The following SLC30A7 variants were observed in gnomAD, a reference collection of about 807,000 sequenced individuals.
SLC30A7 encodes the protein solute carrier family 30 member 7.
SLC30A7 carries 35 observed loss-of-function variants against 46.0 expected under a neutral mutation model. That is an observed-to-expected ratio of 0.76 (90% CI 0.58 to 1.01). The LOEUF (loss-of-function observed/expected upper bound fraction) is 1.01. Among genes scored for constraint, SLC30A7 ranks in the 50% least tolerant of loss-of-function variants. The pLI is 0.00. For missense variants in SLC30A7, 464 were observed against 451.1 expected, an observed-to-expected ratio of 1.03 and a Z score of -0.26; for synonymous variants, 147 against 157.8, an observed-to-expected ratio of 0.93 and a Z score of 0.51.
chr1:100,963,542 A>T (rs1349827857), intron 9 of SLC30A7, among the ~76,000 whole-genome samples: 1 of 152,170 alleles, frequency 6.6e-6, no homozygotes, highest in Non-Finnish European at 1.5e-5. Flanking sequence ...AAGTGTTGTT[A>T]AAGGGGGCAG....
intron 8 of SLC30A7, among the ~76,000 whole-genome samples, chr1:100,961,023 C>T (rs1385120998): frequency 1.4e-4 from 21 of 145,198 alleles, no homozygotes; most frequent in African/African-American, 4.9e-4. Context: ...GGTGCGATCT[C>T]GGCTCACTGC....
At chr1:100,972,242 CAT>C (rs1209426461) in intron 10 of SLC30A7, 3 of 309,972 alleles carry the variant, frequency 9.7e-6, no homozygotes, top group Non-Finnish European at 2.0e-5. Flanking sequence ...GGTGACTTAC[CAT>C]AGGATTCTTC....
At chr1:100,938,598 T>C (rs192406106) in intron 8 of SLC30A7, among the ~76,000 whole-genome samples, 1 of 152,334 alleles carries the variant, frequency 6.6e-6, no homozygotes. Flanking sequence ...TCTCCTCTGT[T>C]CAGGGTCTCA....
At chr1:100,909,605 A>G (rs1315159921) in intron 3 of SLC30A7, among the ~76,000 whole-genome samples, 1 of 152,118 alleles carries the variant, frequency 6.6e-6, no homozygotes, top group Non-Finnish European at 1.5e-5. Flanking sequence ...TGTAAAGGCA[A>G]ATGTGTTTAG....
At position 100,975,323 on chromosome 1, in the gene SLC30A7, T is replaced by G. The variant is rs527756313; in HGVS notation, c.*466T>G. On this transcript the variant is annotated 3_prime_UTR_variant, in exon 11 of 11. Coordinates refer to ENST00000357650, the MANE Select transcript of SLC30A7 (RefSeq NM_133496.5). ...CCACAAAACCAGTATTACTTTTTTT[T>G]AAAAAAAGAAAGAAATTGGAAATCT... 2.6e-5 allele frequency: 4 copies of G among 152,966 alleles called. No individual in the cohort carries two copies. Among genetic ancestry groups the G allele is most frequent in the African/African-American group, 9.7e-5 (4 of 41,436 alleles). 9.5% of individuals were successfully genotyped at this position (152,966 alleles called of 1,614,324 possible).
In SLC30A7 at chr1:100,973,288, A is replaced by AT. The variant is rs1225286045; in HGVS notation, c.1084-1516dup. ...TACTGTAAGAAGGTAGTGCTAATAGATTTTTTCCTCACTCTGATTTTTTTC... is the reference window on the plus strand; with the variant it reads ...TACTGTAAGAAGGTAGTGCTAATAGATTTTTTTCCTCACTCTGATTTTTTTC... On this transcript the variant is annotated intron_variant, in intron 10 of 10. Transcript: ENST00000357650. 4.6e-5 allele frequency among the ~76,000 whole-genome samples: 7 copies of AT among 152,042 alleles called. No individual in the cohort carries two copies. The South Asian group carries it at 6.2e-4, about 14-fold the overall frequency.
the SLC30A7 span, chr1:100,989,593 T>A: frequency 6.6e-6 from 1 of 152,224 alleles, no homozygotes; most frequent in South Asian, 2.1e-4. Context: ...GACAGCTAAC[T>A]TTTTTAAAAA....
intron 3 of SLC30A7, among the ~76,000 whole-genome samples, chr1:100,909,951 T>G (rs1651974494): frequency 6.7e-6 from 1 of 148,214 alleles, no homozygotes; most frequent in African/African-American, 2.5e-5. Context: ...TTATTTGAAT[T>G]TAATGAACTT....
At chr1:100,971,097 A>G (rs1303330005) in intron 10 of SLC30A7, among the ~76,000 whole-genome samples, 1 of 152,070 alleles carries the variant, frequency 6.6e-6, no homozygotes, top group Non-Finnish European at 1.5e-5. Flanking sequence ...TCTGTCCTCA[A>G]AATAGAAGTT....
At chr1:100,945,914 C>T (rs1349488204) in intron 8 of SLC30A7, among the ~76,000 whole-genome samples, 1 of 152,100 alleles carries the variant, frequency 6.6e-6, no homozygotes, top group African/African-American at 2.4e-5. Flanking sequence ...TCTTCCTATC[C>T]ACAAGCATGA....
At chr1:100,929,771 T>C (rs962248866) in intron 8 of SLC30A7, among the ~76,000 whole-genome samples, 3 of 152,034 alleles carry the variant, frequency 2.0e-5, no homozygotes, top group Non-Finnish European at 2.9e-5. Context: ...AATTTTGGGG[T>C]AAAACTGAGT....
intron 8 of SLC30A7, among the ~76,000 whole-genome samples, chr1:100,948,267 T>A (rs192946709): frequency 1.3e-5 from 2 of 152,334 alleles, no homozygotes; most frequent in Admixed American, 1.3e-4. Context: ...CATTTGCTTG[T>A]CTGTAAAAGA....
At chr1:100,948,161 T>C (rs1654752331) in intron 8 of SLC30A7, among the ~76,000 whole-genome samples, 1 of 152,228 alleles carries the variant, frequency 6.6e-6, no homozygotes, top group South Asian at 2.1e-4. Flanking sequence ...CTTTACAATT[T>C]GGCATGTTTT....
At chr1:100,949,157 G>T (rs1221357245) in intron 8 of SLC30A7, among the ~76,000 whole-genome samples, 2 of 152,134 alleles carry the variant, frequency 1.3e-5, no homozygotes, top group Non-Finnish European at 2.9e-5. Flanking sequence ...CCATCTTGTG[G>T]TTTTATCTAC....
intron 8 of SLC30A7, among the ~76,000 whole-genome samples, chr1:100,936,013 G>C (rs561214903): frequency 6.6e-6 from 1 of 151,962 alleles, no homozygotes; most frequent in South Asian, 2.1e-4. Context: ...AGGTTTATGA[G>C]CAGAGACAAA....
downstream of SLC30A7, among the ~76,000 whole-genome samples, chr1:100,984,438 G>C (rs1262835411): frequency 6.6e-6 from 1 of 152,266 alleles, no homozygotes; most frequent in Middle Eastern, 3.4e-3. Context: ...TGAACCCCAA[G>C]GATCATCCTC....
At chr1:100,958,371 T>G (rs1655347612) in intron 8 of SLC30A7, among the ~76,000 whole-genome samples, 1 of 152,104 alleles carries the variant, frequency 6.6e-6, no homozygotes, top group Admixed American at 6.5e-5. Context: ...GGAGACGGGA[T>G]TTCACCGTGT....
chr1:100,896,595 C>T lies in SLC30A7; in HGVS notation c.106C>T (p.Arg36Trp), dbSNP rs1570490698. 6.2e-7 allele frequency: 1 copy of T among 1,614,118 alleles called. No homozygotes were observed. Among genetic ancestry groups the T allele is most frequent in the Non-Finnish European group, 8.5e-7 (1 of 1,180,020 alleles). The change falls in exon 2 of 11, where the codon CGG (arginine) becomes TGG (tryptophan). Residue 36 changes from arginine (R) to tryptophan (W), a missense_variant. Transcript: ENST00000357650. ...GTCTATACTGTCCGACAAGACTTCC[C>T]GGAACCTGTTTTTCTTCCTGTGCCT... The part of the protein sequence containing the change: ...FRSILSDKTS[R>W]NLFFFLCLNL...
At position 100,913,765 on chromosome 1, in the gene SLC30A7, G is replaced by T; in HGVS notation, c.614G>T (p.Ser205Ile). ...SHEVKHGAAH[S>I]HDHAHGHGHF... ...GAAGTGAAACATGGTGCTGCACATA[G>T]CCATGATCATGCTCATGGACATGGA... The change falls in exon 6 of 11, where the codon AGC becomes ATC. Residue 205 changes from serine (S) to isoleucine (I), a missense_variant. By Grantham distance (142) the Ser-to-Ile change is moderately radical. Transcript: ENST00000357650. The T allele has an allele frequency of 6.2e-7, 1 of 1,613,252 alleles. No individual in the cohort carries two copies. The highest frequency in any genetic ancestry group is 1.7e-4 in the Middle Eastern group (1 of 6,060).
Sources: allele counts gnomAD v4.1 joint callset (sites outside exome capture counted in the v4.1 genomes callset), GRCh38; gene constraint gnomAD v4.1.1; transcripts MANE v1.5; gene names NCBI Gene and HGNC (gene_info 2026-07-23, HGNC 2026-07-21).